POLA2: variants seen among roughly 807,000 people sequenced by gnomAD.
POLA2 encodes DNA polymerase alpha 2, accessory subunit, also known as DNA polymerase alpha subunit B.
POLA2 carries 47 observed loss-of-function variants against 82.8 expected under a neutral mutation model. That is an observed-to-expected ratio of 0.57 (90% confidence interval 0.45 to 0.72). The LOEUF (loss-of-function observed/expected upper bound fraction) is 0.72. Ranked by LOEUF, POLA2 falls within the 30% of genes least tolerant of loss-of-function variation. The pLI is 0.00. For missense variants in POLA2, 634 were observed against 728.1 expected (o/e 0.87, Z 1.49); for synonymous variants, 287 against 286.8 (o/e 1.00, Z -0.01).
At chr11:65,288,308 AAAAAAT>A (rs903360181) in intron 11 of POLA2, among the ~76,000 whole-genome samples, 1 of 152,238 alleles carries the variant, frequency 6.6e-6, no homozygotes, top group Admixed American at 6.5e-5. Context: ...ACTCCATCTC[AAAAAAT>A]AAAAATAAAA....
intron 4 of POLA2, among the ~76,000 whole-genome samples, chr11:65,274,643 G>C (rs560602912): frequency 6.6e-6 from 1 of 151,022 alleles, no homozygotes; most frequent in African/African-American, 2.4e-5. Flanking sequence ...TCTTGCCACT[G>C]TGCCCCAGCG....
At chr11:65,279,930 A>T in intron 7 of POLA2, 1 of 304,108 alleles carries the variant, frequency 3.3e-6, no homozygotes, top group South Asian at 7.2e-5. Context: ...AAATAGAAGC[A>T]TTCACGTATC....
chr11:65,295,903 T>C lies in POLA2; in HGVS notation c.1560T>C (p.Ile520=). The change falls in exon 17 of 18, where the codon ATT becomes ATC. Residue 520 remains isoleucine, a synonymous_variant. Coordinates refer to ENST00000265465, the MANE Select transcript of POLA2 (RefSeq NM_002689.4). ...ACCCGCCCCAAGAAGACATGGCCATTGACTATGAGTCGTTCTATGTTTACG... is the reference window on the plus strand; with the variant it reads ...ACCCGCCCCAAGAAGACATGGCCATCGACTATGAGTCGTTCTATGTTTACG... ...PLYPPQEDMA[I]DYESFYVYAQ... 6.2e-7 allele frequency: 1 copy of C among 1,612,542 alleles called. No individual in the cohort carries two copies. The highest frequency in any genetic ancestry group is 8.5e-7 in the Non-Finnish European group (1 of 1,178,632).
rs776854402 is a variant in POLA2 at position 65,266,646 on chromosome 11, C to G, written c.144C>G (p.Phe48Leu). 3 of 1,614,090 alleles carry G rather than the reference C, an allele frequency of 1.9e-6. No homozygotes were observed. In the East Asian group the frequency reaches 6.7e-5, roughly 36 times the overall value. Residue 48 changes from phenylalanine (F) to leucine (L), a missense_variant, in exon 2 of 18, where the codon TTC (phenylalanine) becomes TTG (leucine). Coordinates refer to ENST00000265465, the MANE Select transcript of POLA2 (RefSeq NM_002689.4). ...GAATGGTAGGCGAGCTTATAGCCTT[C>G]TGCACCAGCACACATAAAGTTGGCC... Reference protein sequence around the residue: ...EEGMVGELIAFCTSTHKVGLT... With the variant: ...EEGMVGELIALCTSTHKVGLT...
At chr11:65,264,953 G>A (rs76432334) in intron 1 of POLA2, among the ~76,000 whole-genome samples, 2,875 of 152,296 alleles carry the variant, frequency 0.019, 32 homozygotes, top group Non-Finnish European at 0.028. Flanking sequence ...AGGGTCGGCC[G>A]GGTGCGGTGG....
At chr11:65,288,610 C>T (rs1042848106) in intron 11 of POLA2, among the ~76,000 whole-genome samples, 5 of 150,034 alleles carry the variant, frequency 3.3e-5, no homozygotes, top group Non-Finnish European at 5.9e-5. Flanking sequence ...CTCCTGGGCT[C>T]AAGTGAGCCT....
At chr11:65,304,277 TTCCA>T (rs1329713797) in intron 8 of POLA2, among the ~76,000 whole-genome samples, 3 of 150,292 alleles carry the variant, frequency 2.0e-5, no homozygotes, top group Non-Finnish European at 3.0e-5. Flanking sequence ...CCATCCTTTC[TTCCA>T]TCCATCCATC....
At chr11:65,276,314 T>A (rs566562620) in intron 5 of POLA2, among the ~76,000 whole-genome samples, 1 of 152,214 alleles carries the variant, frequency 6.6e-6, no homozygotes, top group Non-Finnish European at 1.5e-5. Flanking sequence ...TTAACAGGTC[T>A]TGTCAGTAGA....
intron 10 of POLA2, among the ~76,000 whole-genome samples, 174 bp downstream of exon 10, chr11:65,282,695 C>T (rs1949654115): frequency 6.6e-6 from 1 of 152,234 alleles, no homozygotes; most frequent in Non-Finnish European, 1.5e-5. Flanking sequence ...GACCCCTGGT[C>T]TGAGCCCAGT....
chr11:65,296,045 C>G, intron 17 of POLA2, 55 bp downstream of exon 17: 6 of 1,604,594 alleles, frequency 3.7e-6, no homozygotes, highest in Non-Finnish European at 5.1e-6. Context: ...CTTTGACTTT[C>G]CCTTCTAGAC....
intron 1 of POLA2, among the ~76,000 whole-genome samples, chr11:65,263,220 CTTTTTTTT>C (rs547474910): frequency 3.2e-5 from 4 of 123,198 alleles, no homozygotes; most frequent in African/African-American, 6.5e-5. Flanking sequence ...CTCTCTCTCT[CTTTTTTTT>C]TTTTTTTTTT....
intron 10 of POLA2, among the ~76,000 whole-genome samples, chr11:65,285,244 A>C (rs2137556641): frequency 6.6e-6 from 1 of 152,252 alleles, no homozygotes; most frequent in Non-Finnish European, 1.5e-5. Flanking sequence ...TCTCCACTAA[A>C]AAATACAAAA....
downstream of POLA2, among the ~76,000 whole-genome samples, chr11:65,300,581 T>G (rs1193276453): frequency 1.3e-5 from 2 of 151,444 alleles, no homozygotes; most frequent in African/African-American, 4.9e-5. Flanking sequence ...TTTTGTTTGT[T>G]TGTTTTTTTG....
At chr11:65,271,770 T>C (rs487568) in intron 4 of POLA2, among the ~76,000 whole-genome samples, 33,337 of 136,844 alleles carry the variant, frequency 0.24, 5,025 homozygotes, top group African/African-American at 0.46. Context: ...ACCCGGGAGG[T>C]GGAAGTTGCA....
chr11:65,269,974 G>T (rs1949505262), intron 4 of POLA2, among the ~76,000 whole-genome samples: 1 of 152,172 alleles, frequency 6.6e-6, no homozygotes, highest in Admixed American at 6.5e-5. Flanking sequence ...TGGGATTACA[G>T]GCATGCGCCA....
chr11:65,278,487 C>T (rs1949603983), intron 5 of POLA2, among the ~76,000 whole-genome samples: 1 of 152,174 alleles, frequency 6.6e-6, no homozygotes, highest in Admixed American at 6.6e-5. Context: ...TTTTAAAATA[C>T]GTTTCTGTCT....
chr11:65,288,860 G>A (rs989620539), intron 11 of POLA2, among the ~76,000 whole-genome samples, 190 bp from the exon 12 acceptor site: 2 of 152,194 alleles, frequency 1.3e-5, no homozygotes, highest in Non-Finnish European at 2.9e-5. Context: ...TGGGGCAAAC[G>A]TGTTTCTGCC....
intron 13 of POLA2, 44 bp from the exon 14 acceptor site, chr11:65,294,109 C>T (rs745550379): frequency 5.9e-6 from 9 of 1,534,586 alleles, no homozygotes; most frequent in Admixed American, 1.7e-5. Context: ...AACTCAACTG[C>T]ACTCACTTTT....
intron 10 of POLA2, among the ~76,000 whole-genome samples, chr11:65,283,020 T>TA (rs1330327175): frequency 6.6e-6 from 1 of 152,104 alleles, no homozygotes; most frequent in African/African-American, 2.4e-5. Context: ...TAGTCCTAGC[T>TA]AATCAGAGGC....
Sources: allele counts gnomAD v4.1 joint callset (sites outside exome capture counted in the v4.1 genomes callset), GRCh38; gene constraint gnomAD v4.1.1; transcripts MANE v1.5; gene names NCBI Gene and HGNC (gene_info 2026-07-23, HGNC 2026-07-21).